The following FCHO2 variants were observed in gnomAD, a reference collection of about 807,000 sequenced individuals.
FCHO2 encodes FCH and mu domain containing endocytic adaptor 2, also known as F-BAR domain only protein 2.
FCHO2 carries 43 observed loss-of-function variants against 114.1 expected under a neutral mutation model. The observed-to-expected ratio is 0.38, with a 90% CI of 0.30 to 0.49. The LOEUF (loss-of-function observed/expected upper bound fraction) is 0.49, where lower values mean the gene tolerates loss of function less well. Among genes scored for constraint, FCHO2 ranks in the 20% least tolerant of loss-of-function variants. The pLI, the probability that FCHO2 is intolerant of heterozygous loss-of-function variation, is 0.97. For synonymous variants in FCHO2, 293 were observed against 315.2 expected, an observed-to-expected ratio of 0.93 and a Z score of 0.75; for missense variants, 807 against 950.4, an observed-to-expected ratio of 0.85 and a Z score of 1.98.
chr5:73,071,094 G>A (rs1742623560), intron 19 of FCHO2, among the ~76,000 whole-genome samples: 1 of 151,910 alleles, frequency 6.6e-6, no homozygotes, highest in Non-Finnish European at 1.5e-5. Flanking sequence ...TTTCAGTTTT[G>A]TGCTAATTCC....
At position 73,088,052 on chromosome 5, in the gene FCHO2, G is replaced by A; in HGVS notation, c.2411-16G>A. ...TTTGAAATTGTAATTGCAAAGGTCT[G>A]CTTGGCGTTTTTCAGGACGATACCT... On this transcript the variant is annotated splice_polypyrimidine_tract_variant and intron_variant, in intron 25 of 25. Transcript: ENST00000430046. 1 of 1,613,292 alleles carries A rather than the reference G, an allele frequency of 6.2e-7. No individual in the cohort carries two copies. The highest frequency in any genetic ancestry group is 8.5e-7 in the Non-Finnish European group (1 of 1,179,640).
intron 18 of FCHO2, 145 bp downstream of exon 18, chr5:73,064,089 T>TTCCTTTACTCTTCCTTGTTACTC: frequency 1.5e-6 from 1 of 659,580 alleles, no homozygotes; most frequent in African/African-American, 1.8e-5. Flanking sequence ...CAGCTAGTGC[T>TTCCTTTACTCTTCCTTGTTACTC]TCCTTTACTC....
intron 1 of FCHO2, among the ~76,000 whole-genome samples, chr5:72,962,388 C>T (rs1452055633): frequency 6.6e-6 from 1 of 152,192 alleles, no homozygotes; most frequent in Non-Finnish European, 1.5e-5. Context: ...TGCTTTAAAT[C>T]ATCCTGCACA....
intron 8 of FCHO2, among the ~76,000 whole-genome samples, chr5:73,021,769 G>T (rs1053215701): frequency 1.3e-5 from 2 of 152,118 alleles, no homozygotes; most frequent in East Asian, 3.8e-4. Context: ...TTTGTTAAAT[G>T]AATGAACAAA....
chr5:73,027,015 TTTG>T (rs1467791067), intron 8 of FCHO2, among the ~76,000 whole-genome samples: 29 of 130,126 alleles, frequency 2.2e-4, no homozygotes, highest in African/African-American at 4.0e-4. Flanking sequence ...TTTTTGTTTG[TTTG>T]TTTTTTTTTT....
chr5:72,972,603 T>A (rs1752619184), intron 2 of FCHO2, among the ~76,000 whole-genome samples: 1 of 152,196 alleles, frequency 6.6e-6, no homozygotes, highest in African/African-American at 2.4e-5. Flanking sequence ...GATTTTGGGC[T>A]GAGACAATGG....
At chr5:72,988,823 A>G (rs1443405297) in intron 2 of FCHO2, among the ~76,000 whole-genome samples, 1 of 152,280 alleles carries the variant, frequency 6.6e-6, no homozygotes, top group Admixed American at 6.5e-5. Flanking sequence ...ACCAGCTTAC[A>G]GAGACAGAGA....
chr5:73,034,389 T>C (rs1321024533), intron 8 of FCHO2: 1 of 299,886 alleles, frequency 3.3e-6, no homozygotes, highest in Non-Finnish European at 6.1e-6. Context: ...TCTCTAGTTT[T>C]GTGGCATCAT....
At chr5:73,051,612 G>A (rs944111988) in intron 12 of FCHO2, among the ~76,000 whole-genome samples, 5 of 151,986 alleles carry the variant, frequency 3.3e-5, no homozygotes, top group Non-Finnish European at 4.4e-5. Context: ...TCTTGCCCGG[G>A]CAGGAGTGCA....
intron 8 of FCHO2, among the ~76,000 whole-genome samples, chr5:73,029,636 GAA>G (rs1371182820): frequency 3.3e-5 from 5 of 152,174 alleles, no homozygotes; most frequent in Non-Finnish European, 5.9e-5. Flanking sequence ...GGCTTTATAG[GAA>G]GCATGGTGCT....
intron 2 of FCHO2, among the ~76,000 whole-genome samples, chr5:72,971,270 C>T (rs1328372437): frequency 1.6e-4 from 25 of 151,994 alleles, no homozygotes; most frequent in Admixed American, 1.5e-3. Context: ...CCTGAGGAAT[C>T]GCCACACTGA....
intron 11 of FCHO2, among the ~76,000 whole-genome samples, chr5:73,047,707 C>A (rs1757122902): frequency 6.6e-6 from 1 of 152,138 alleles, no homozygotes. Context: ...ATAACCCACA[C>A]ATATCCTTTA....
chr5:73,062,609 A>G (rs763528893), intron 17 of FCHO2, among the ~76,000 whole-genome samples: 52 of 152,184 alleles, frequency 3.4e-4, no homozygotes, highest in Non-Finnish European at 6.9e-4. Context: ...TGGCCTCAGA[A>G]TCTAAGCTTG....
intron 10 of FCHO2, chr5:73,037,978 G>C (rs1041248004): frequency 4.5e-6 from 1 of 223,584 alleles, no homozygotes; most frequent in East Asian, 1.7e-4. Context: ...CAGGCTGGTC[G>C]CGAACTCCTG....
At chr5:72,958,321 C>G (rs1041366686) in intron 1 of FCHO2, among the ~76,000 whole-genome samples, 1 of 151,906 alleles carries the variant, frequency 6.6e-6, no homozygotes, top group Non-Finnish European at 1.5e-5. Context: ...TTTACTTCTT[C>G]TGTTTAGTTC....
chr5:73,036,708 A>G (rs534834953), intron 9 of FCHO2, among the ~76,000 whole-genome samples: 25 of 152,294 alleles, frequency 1.6e-4, no homozygotes, highest in Non-Finnish European at 3.4e-4. Context: ...CTGCTGTATC[A>G]TCTTTTTATC....
intron 10 of FCHO2, 109 bp downstream of exon 10, chr5:73,037,324 A>T: frequency 1.6e-6 from 1 of 625,842 alleles, no homozygotes; most frequent in Admixed American, 3.8e-5. Context: ...TCAAAAGTAT[A>T]TGTGTAAGGT....
chr5:72,998,794 T>C (rs1367585843), intron 5 of FCHO2, among the ~76,000 whole-genome samples: 1 of 151,572 alleles, frequency 6.6e-6, no homozygotes, highest in Non-Finnish European at 1.5e-5. Flanking sequence ...AAAACAAGTT[T>C]AATGTAATGA....
rs147665172 is a variant in FCHO2, at chr5:73,006,026, G to A, written c.496-419G>A. 1.9e-3 allele frequency among the ~76,000 whole-genome samples: 283 copies of A among 152,238 alleles called. 1 individual carries two copies. The highest frequency in any genetic ancestry group is 3.4e-3 in the Middle Eastern group (1 of 294). ...AATGAAATATATGTATGCTGTGGTG[G>A]AGGAAAATTCACAGCTGCGAAAAGG... is the stretch of plus-strand genomic sequence containing the variant. On this transcript the variant is annotated intron_variant, in intron 5 of 25. Transcript: ENST00000430046.
Sources: allele counts gnomAD v4.1 joint callset (sites outside exome capture counted in the v4.1 genomes callset), GRCh38; gene constraint gnomAD v4.1.1; transcripts MANE v1.5; gene names NCBI Gene and HGNC (gene_info 2026-07-23, HGNC 2026-07-21).